GALNT11: variants seen among roughly 807,000 people sequenced by gnomAD.
GALNT11 encodes polypeptide N-acetylgalactosaminyltransferase 11.
A neutral mutation model predicts 72.7 loss-of-function variants in GALNT11; 47 were observed. That is an observed-to-expected ratio of 0.65 (90% CI 0.51 to 0.82). The LOEUF (loss-of-function observed/expected upper bound fraction) is 0.82, where lower values mean the gene tolerates loss of function less well. Ranked by LOEUF, GALNT11 falls within the 40% of genes least tolerant of loss-of-function variation. GALNT11 has a pLI of 0.00. For missense variants in GALNT11, 677 were observed against 778.4 expected (o/e 0.87, Z 1.55); for synonymous variants, 270 against 286.6 (o/e 0.94, Z 0.58).
At chr7:152,030,756 CTCTT>C (rs916280616) in intron 1 of GALNT11, among the ~76,000 whole-genome samples, 1 of 152,040 alleles carries the variant, frequency 6.6e-6, no homozygotes, top group African/African-American at 2.4e-5. Context: ...TTGACTTTGT[CTCTT>C]TCTTTCTCTC....
chr7:152,103,374 G>T, intron 4 of GALNT11, 96 bp downstream of exon 4: 1 of 1,308,442 alleles, frequency 7.6e-7, no homozygotes. Context: ...GTACGTGGTA[G>T]GTGGGGATCC....
chr7:152,080,782 C>T (rs527374007), intron 1 of GALNT11, among the ~76,000 whole-genome samples: 15 of 151,540 alleles, frequency 9.9e-5, no homozygotes, highest in South Asian at 4.2e-4. Context: ...TCCAACATGG[C>T]GAAACCCCAT....
intron 1 of GALNT11, among the ~76,000 whole-genome samples, chr7:152,090,715 G>A (rs80341658): frequency 1.5e-5 from 2 of 134,368 alleles, no homozygotes; most frequent in Non-Finnish European, 3.0e-5. Flanking sequence ...TTCAGTTTAC[G>A]TCTTGACACA....
chr7:152,060,864 A>G (rs553091582), intron 1 of GALNT11, among the ~76,000 whole-genome samples: 1 of 151,782 alleles, frequency 6.6e-6, no homozygotes, highest in African/African-American at 2.4e-5. Flanking sequence ...TTCTTAATCC[A>G]GTCTATCATT....
intron 4 of GALNT11, 87 bp downstream of exon 4, chr7:152,103,365 T>G: frequency 7.2e-7 from 1 of 1,392,548 alleles, no homozygotes. Flanking sequence ...AACTTTCAAG[T>G]ACGTGGTAGG....
chr7:152,084,838 G>A (rs2085543469), intron 1 of GALNT11, among the ~76,000 whole-genome samples: 1 of 152,134 alleles, frequency 6.6e-6, no homozygotes, highest in Non-Finnish European at 1.5e-5. Context: ...TCCTCAGGGG[G>A]CTTGTTTATG....
At position 152,025,830 on chromosome 7, in the gene GALNT11, A is replaced by G; in HGVS notation, c.-93A>G. On this transcript the variant is annotated 5_prime_UTR_variant, in exon 1 of 12. Transcript: ENST00000430044. ...TCGGACTGGGGCTGTGGCGGGAGAG[A>G]AGATGCCGCAGCCCGAGTCCCAGAA... 1 of 282,876 alleles carries G rather than the reference A, an allele frequency of 3.5e-6. No homozygotes were observed. The highest frequency in any genetic ancestry group is 7.7e-6 in the Non-Finnish European group (1 of 130,688). The allele number at this position is 282,876 out of a possible 1,614,324, so 17.5% of individuals were successfully genotyped here.
intron 1 of GALNT11, among the ~76,000 whole-genome samples, chr7:152,089,930 C>G (rs1035524579): frequency 2.0e-5 from 3 of 152,176 alleles, no homozygotes; most frequent in African/African-American, 7.2e-5. Context: ...TAGGAACAAT[C>G]GAGGAAGTCA....
rs571423690 is a variant in GALNT11, at chr7:152,088,598, C to T, written c.-38-5592C>T. 5.7e-4 allele frequency among the ~76,000 whole-genome samples: 86 copies of T among 150,790 alleles called. 1 individual carries two copies. The South Asian group carries it at 0.018, about 31-fold the overall frequency. On this transcript the variant is annotated intron_variant, in intron 1 of 11. Coordinates refer to ENST00000430044, the MANE Select transcript of GALNT11 (RefSeq NM_022087.4). ...CCTTAAACTGCCCTTATTTTGATAT[C>T]AGAGTGGTAACAGCCTCAGAAAGGG...
intron 1 of GALNT11, among the ~76,000 whole-genome samples, chr7:152,043,564 T>A (rs1043756079): frequency 2.6e-5 from 4 of 152,202 alleles, no homozygotes; most frequent in Non-Finnish European, 5.9e-5. Flanking sequence ...AACAGGGAAC[T>A]GCCAAGCCTC....
chr7:152,033,652 AT>A (rs1294747414), intron 1 of GALNT11, among the ~76,000 whole-genome samples: 64 of 152,318 alleles, frequency 4.2e-4, no homozygotes, highest in African/African-American at 1.5e-3. Flanking sequence ...TCCTTGAGTT[AT>A]GGTAGACATC....
chr7:152,055,538 T>C (rs1563049666), intron 1 of GALNT11, among the ~76,000 whole-genome samples: 1 of 148,054 alleles, frequency 6.8e-6, no homozygotes, highest in Non-Finnish European at 1.5e-5. Context: ...TGTGTGTGTG[T>C]GTGTGTGTGT....
At chr7:152,114,384 CAT>C (rs977340114) in intron 8 of GALNT11, among the ~76,000 whole-genome samples, 13 of 152,158 alleles carry the variant, frequency 8.5e-5, no homozygotes, top group African/African-American at 3.1e-4. Flanking sequence ...CAAATGGAAT[CAT>C]AAACTATGTG....
At chr7:152,058,610 A>G (rs755957839) in intron 1 of GALNT11, among the ~76,000 whole-genome samples, 2 of 152,184 alleles carry the variant, frequency 1.3e-5, no homozygotes, top group Non-Finnish European at 2.9e-5. Flanking sequence ...TGCTGGGATT[A>G]CAGGCGTGAG....
At chr7:152,112,399 G>C (rs2088325595) in intron 7 of GALNT11, among the ~76,000 whole-genome samples, 1 of 152,026 alleles carries the variant, frequency 6.6e-6, no homozygotes, top group Non-Finnish European at 1.5e-5. Context: ...AAATTAGCTG[G>C]GCGTGGTGGC....
At chr7:152,056,337 C>T (rs1350716136) in intron 1 of GALNT11, among the ~76,000 whole-genome samples, 3 of 152,184 alleles carry the variant, frequency 2.0e-5, no homozygotes, top group East Asian at 1.9e-4. Context: ...AATAGGATCT[C>T]GCCAGGTATG....
intron 1 of GALNT11, among the ~76,000 whole-genome samples, chr7:152,091,543 AT>A (rs1389019880): frequency 2.0e-5 from 3 of 151,764 alleles, no homozygotes; most frequent in African/African-American, 7.3e-5. Context: ...CCCGGCCCTA[AT>A]TTTTTGTATT....
chr7:152,043,306 G>C lies in GALNT11; in HGVS notation c.-39+17422G>C, dbSNP rs148583418. ...CGCTGGCAAGGGTCCACCGGCTCCT[G>C]TTGGGACCTTTTGCGGGGATTCCCC... On this transcript the variant is annotated intron_variant, in intron 1 of 11. Coordinates refer to ENST00000430044, the MANE Select transcript of GALNT11 (RefSeq NM_022087.4). Among the ~76,000 whole-genome samples, 878 of 152,332 alleles carry C rather than the reference G, an allele frequency of 5.8e-3. 6 individuals are homozygous for C. Among genetic ancestry groups the C allele is most frequent in the Non-Finnish European group, 7.8e-3 (528 of 68,028 alleles).
intron 1 of GALNT11, among the ~76,000 whole-genome samples, chr7:152,033,510 A>G (rs2082406162): frequency 2.0e-5 from 3 of 152,136 alleles, no homozygotes; most frequent in Admixed American, 1.3e-4. Flanking sequence ...TTCTCCTGAT[A>G]TCCACGGCTG....
Sources: gnomAD v4.1 joint callset for allele counts (sites outside exome capture counted in the v4.1 genomes callset) on GRCh38, gnomAD v4.1.1 for gene constraint, MANE v1.5 for transcripts, NCBI Gene and HGNC (gene_info 2026-07-23, HGNC 2026-07-21) for gene names.